The following LARS1 variants were observed in gnomAD, a reference collection of about 807,000 sequenced individuals.
The protein encoded by LARS1 is leucyl-tRNA synthetase 1, also known as leucine--tRNA ligase, cytoplasmic.
A neutral mutation model predicts 162.8 loss-of-function variants in LARS1; 100 were observed. The ratio of observed to expected loss-of-function variants is 0.61; its 90% confidence interval spans 0.52 to 0.73. The LOEUF (loss-of-function observed/expected upper bound fraction) is 0.73. Among genes scored for constraint, LARS1 ranks in the 30% least tolerant of loss-of-function variants. The pLI is 0.00. For synonymous variants in LARS1, 457 were observed against 462.8 expected (o/e 0.99, Z 0.16); for missense variants, 1,258 against 1,408.9 (o/e 0.89, Z 1.71).
At position 146,167,690 on chromosome 5, in the gene LARS1, G is replaced by A. The variant is rs567831032; in HGVS notation, c.432+438C>T. On this transcript the variant is annotated intron_variant, in intron 5 of 31. Coordinates refer to ENST00000394434, the MANE Select transcript of LARS1 (RefSeq NM_020117.11). ...ATTACAGGCGTGAGCCACCACGCCCGGCTAATTTTTTTGTATTTTTAGTAG... is the reference window on the plus strand; with the variant it reads ...ATTACAGGCGTGAGCCACCACGCCCAGCTAATTTTTTTGTATTTTTAGTAG... 2.1e-4 allele frequency among the ~76,000 whole-genome samples: 32 copies of A among 151,218 alleles called. 1 individual carries two copies. Among genetic ancestry groups the A allele is most frequent in the South Asian group, 8.4e-4 (4 of 4,750 alleles).
At position 146,159,321 on chromosome 5, in the gene LARS1, G is replaced by A. The variant is rs1753671135; in HGVS notation, c.771+86C>T. 5.8e-6 allele frequency: 6 copies of A among 1,041,052 alleles called. No individual in the cohort carries two copies. The South Asian group carries it at 8.3e-5, about 14-fold the overall frequency. 64.5% of individuals were successfully genotyped at this position (1,041,052 alleles called of 1,614,324 possible). The stretch of plus-strand genomic sequence containing the variant: ...GGACTACATCCCTCAGCACTACAAA[G>A]AAGTTATTTTTAGGTTTCTATTTCT... On this transcript the variant is annotated intron_variant, in intron 8 of 31. Coordinates refer to ENST00000394434, the MANE Select transcript of LARS1 (RefSeq NM_020117.11).
At chr5:146,163,059 T>A (rs1753848357) in intron 6 of LARS1, among the ~76,000 whole-genome samples, 1 of 152,212 alleles carries the variant, frequency 6.6e-6, no homozygotes, top group Non-Finnish European at 1.5e-5. Context: ...TCCACCCACC[T>A]TGGCCTCCCA....
chr5:146,134,157 T>A (rs988828093), intron 22 of LARS1, among the ~76,000 whole-genome samples: 2 of 152,128 alleles, frequency 1.3e-5, no homozygotes, highest in Non-Finnish European at 2.9e-5. Context: ...TAGTTTTATA[T>A]CTACATATCT....
rs780850275 is a variant in LARS1 at position 146,157,394 on chromosome 5, C to G, written c.1065+9G>C. 11 of 1,608,842 alleles carry G rather than the reference C, an allele frequency of 6.8e-6. No homozygotes were observed. In the East Asian group the frequency reaches 2.5e-4, roughly 36 times the overall value. The stretch of plus-strand genomic sequence containing the variant: ...CGCATTAAAATAAAAAATCTGCTAT[C>G]CAACTTACCTCCCCCATTAATTCCT... On this transcript the variant is annotated intron_variant, in intron 10 of 31. Transcript: ENST00000394434.
chr5:146,134,559 T>C (rs1310713461), intron 22 of LARS1, among the ~76,000 whole-genome samples: 2 of 152,158 alleles, frequency 1.3e-5, no homozygotes, highest in Non-Finnish European at 2.9e-5. Flanking sequence ...TTTCTTCTCT[T>C]GACACGATAA....
intron 10 of LARS1, among the ~76,000 whole-genome samples, chr5:146,155,903 C>T (rs1247054355): frequency 6.6e-6 from 1 of 152,052 alleles, no homozygotes; most frequent in Admixed American, 6.6e-5. Context: ...AAGAAAAAGG[C>T]AGGAAACAAT....
chr5:146,115,245 A>G (rs1191086708), intron 31 of LARS1, among the ~76,000 whole-genome samples: 2 of 152,016 alleles, frequency 1.3e-5, no homozygotes, highest in African/African-American at 4.8e-5. Context: ...ATATGCTTCA[A>G]TTAACCATTG....
At chr5:146,129,764 G>A (rs1752197820) in intron 25 of LARS1, among the ~76,000 whole-genome samples, 1 of 152,026 alleles carries the variant, frequency 6.6e-6, no homozygotes, top group South Asian at 2.1e-4. Context: ...CATAACAATT[G>A]TTTATATCTT....
chr5:146,128,957 A>C, intron 26 of LARS1, 21 bp downstream of exon 26: 1 of 1,568,796 alleles, frequency 6.4e-7, no homozygotes, highest in Non-Finnish European at 8.6e-7. Flanking sequence ...TCCTTTAAAA[A>C]AAAAAACAAA....
intron 14 of LARS1, among the ~76,000 whole-genome samples, chr5:146,151,505 T>A (rs1202214820): frequency 6.6e-6 from 1 of 152,206 alleles, no homozygotes; most frequent in Admixed American, 6.5e-5. Flanking sequence ...AAACTGCTTA[T>A]CTAAAATATG....
intron 4 of LARS1, 51 bp downstream of exon 4, chr5:146,171,859 C>T (rs1237962628): frequency 1.3e-5 from 17 of 1,356,530 alleles, no homozygotes; most frequent in Non-Finnish European, 1.6e-5. Flanking sequence ...TTGGGTATTA[C>T]TATTTGCTCC....
chr5:146,120,431 G>A lies in LARS1; in HGVS notation c.3265C>T (p.Gln1089Ter). 6.2e-7 allele frequency: 1 copy of A among 1,613,158 alleles called. No individual in the cohort carries two copies. Among genetic ancestry groups the A allele is most frequent in the Non-Finnish European group, 8.5e-7 (1 of 1,179,382 alleles). The change falls in exon 31 of 32, where the codon CAA (glutamine) becomes TAA (stop). Residue 1089 changes from glutamine (Q) to a stop codon, truncating the protein, a stop_gained. Transcript: ENST00000394434. LOFTEE classifies it high-confidence loss of function. ...GHFSTKIEIR[Q>*]GDNCDSIIRR... ...ATTATGGAATCACAGTTATCTCCTT[G>A]CCTGATTTCAATTTTGGTTGAGAAG... is the stretch of plus-strand genomic sequence containing the variant.
chr5:146,145,772 T>C (rs1752980798), intron 15 of LARS1, among the ~76,000 whole-genome samples: 2 of 152,222 alleles, frequency 1.3e-5, no homozygotes, highest in Admixed American at 1.3e-4. Context: ...GGTTTAAAGA[T>C]GGTAGATTAA....
chr5:146,160,264 G>A (rs1753722707), intron 7 of LARS1, 110 bp downstream of exon 7: 4 of 535,716 alleles, frequency 7.5e-6, no homozygotes, highest in South Asian at 5.7e-5. Context: ...TCAAACTCCT[G>A]GCCTCAAGCA....
chr5:146,116,023 C>T (rs1296626695), intron 31 of LARS1, among the ~76,000 whole-genome samples: 2 of 152,010 alleles, frequency 1.3e-5, no homozygotes, highest in South Asian at 2.1e-4. Flanking sequence ...AAACAAAGAC[C>T]GAAGTTTAGA....
At chr5:146,147,237 G>A (rs1753051561) in intron 15 of LARS1, among the ~76,000 whole-genome samples, 1 of 152,052 alleles carries the variant, frequency 6.6e-6, no homozygotes, top group Non-Finnish European at 1.5e-5. Flanking sequence ...AGAGAAATAA[G>A]ATTAAGATGT....
At chr5:146,116,177 G>A (rs997924581) in intron 31 of LARS1, among the ~76,000 whole-genome samples, 8 of 152,164 alleles carry the variant, frequency 5.3e-5, no homozygotes, top group Non-Finnish European at 1.2e-4. Flanking sequence ...GAGAGCAGGC[G>A]CAATCTTCAT....
At chr5:146,131,258 C>T (rs545751796) in intron 23 of LARS1, 149 bp from the exon 24 acceptor site, 2 of 500,198 alleles carry the variant, frequency 4.0e-6, no homozygotes, top group Non-Finnish European at 7.0e-6. Flanking sequence ...GAGAACAATG[C>T]CCAGAACATT....
At chr5:146,140,172 ATTTTAAAC>A in intron 21 of LARS1, 24 bp downstream of exon 21, 1 of 1,557,814 alleles carries the variant, frequency 6.4e-7, no homozygotes, top group Non-Finnish European at 8.8e-7. Context: ...CTTCCACAGA[ATTTTAAAC>A]TTTTAAGATG....
Sources: allele counts gnomAD v4.1 joint callset (sites outside exome capture counted in the v4.1 genomes callset), GRCh38; gene constraint gnomAD v4.1.1; transcripts MANE v1.5; gene names NCBI Gene and HGNC (gene_info 2026-07-23, HGNC 2026-07-21).